The following PRC1 variants were observed in gnomAD, a reference collection of about 807,000 sequenced individuals.
PRC1 encodes the protein anaphase spindle elongation 1 homolog.
PRC1 carries 54 observed loss-of-function variants against 91.2 expected under a neutral mutation model. That is an observed-to-expected ratio of 0.59 (90% CI 0.48 to 0.74). The LOEUF is 0.74. Ranked by LOEUF, PRC1 falls within the 30% of genes least tolerant of loss-of-function variation. The pLI is 0.00. For synonymous variants in PRC1, 275 were observed against 263.6 expected (o/e 1.04, Z -0.42); for missense variants, 727 against 746.2 (o/e 0.97, Z 0.30).
Position 90,980,536 on chromosome 15 carries a change from T to G in PRC1, c.823-147A>C, listed in dbSNP as rs2039104964. On this transcript the variant is annotated intron_variant, in intron 6 of 14. Transcript: ENST00000394249. ...ACTTTTTTTTTTTTTTTTTTTTTTT[T>G]GAGACAGGGTCTCACTCTCTCGCCC... 5.3e-6 allele frequency: 4 copies of G among 752,140 alleles called. No homozygotes were observed. The East Asian group carries it at 1.5e-4, about 28-fold the overall frequency. The allele number at this position is 752,140 out of a possible 1,614,324, so 46.6% of individuals were successfully genotyped here. A position where few individuals can be genotyped will look rare whatever the true frequency, so the allele number is the denominator to read the frequency against.
At chr15:90,991,631 T>G (rs2039987560) in intron 1 of PRC1, among the ~76,000 whole-genome samples, 1 of 151,992 alleles carries the variant, frequency 6.6e-6, no homozygotes, top group South Asian at 2.1e-4. Flanking sequence ...TTTTTAAACT[T>G]AAATCTTGTA....
intron 1 of PRC1, among the ~76,000 whole-genome samples, chr15:90,986,966 C>CA (rs2039624721): frequency 6.6e-6 from 1 of 151,694 alleles, no homozygotes; most frequent in African/African-American, 2.4e-5. Context: ...ATTCCGTTGA[C>CA]AGAGAGTTCA....
intron 3 of PRC1, among the ~76,000 whole-genome samples, chr15:90,982,940 A>AT (rs1301786639): frequency 5.9e-5 from 9 of 152,024 alleles, no homozygotes; most frequent in African/African-American, 1.2e-4. Flanking sequence ...AAAAAGTGGC[A>AT]TTTTTTTATA....
At chr15:90,987,980 C>T (rs1172289640) in intron 1 of PRC1, 2 of 152,148 alleles carry the variant, frequency 1.3e-5, no homozygotes, top group African/African-American at 4.8e-5. Flanking sequence ...GATGGCCATA[C>T]CAATACCCAA....
rs551458045 is a variant in PRC1 at position 90,984,273 on chromosome 15, G to C, written c.145-133C>G. ...AGATGGAGTCTCGCTCTGTTGCCCA[G>C]GCTGGAGTGCAATGGCGTGCTTTCG... On this transcript the variant is annotated intron_variant, in intron 2 of 14. Coordinates refer to ENST00000394249, the MANE Select transcript of PRC1 (RefSeq NM_003981.4). The surrounding 1 kb of genome is among the most constrained non-coding windows in gnomAD (Gnocchi z 5.1). 18 of 1,261,570 alleles carry C rather than the reference G, an allele frequency of 1.4e-5. 1 individual carries two copies. In the South Asian group the frequency reaches 2.4e-4, roughly 17 times the overall value. 78.1% of individuals were successfully genotyped at this position (1,261,570 alleles called of 1,614,324 possible). A position where few individuals can be genotyped will look rare whatever the true frequency, so the allele number is the denominator to read the frequency against.
Position 90,969,723 on chromosome 15 carries a change from T to C in PRC1, c.1573-100A>G, listed in dbSNP as rs2037893707. 3 of 857,370 alleles carry C rather than the reference T, an allele frequency of 3.5e-6. No individual in the cohort carries two copies. In the African/African-American group the frequency reaches 5.1e-5, roughly 14 times the overall value. The allele number at this position is 857,370 out of a possible 1,614,324, so 53.1% of individuals were successfully genotyped here. On this transcript the variant is annotated intron_variant, in intron 12 of 14. Transcript: ENST00000394249. ...GTCAAAGGCTGAGACTATCTTTATA[T>C]TCATGTCTATAATCCTATACTTTTT...
chr15:90,971,509 T>C (rs768948644), intron 11 of PRC1, among the ~76,000 whole-genome samples: 1 of 151,856 alleles, frequency 6.6e-6, no homozygotes, highest in African/African-American at 2.4e-5. Flanking sequence ...TCCCAACTCC[T>C]GAGTTCAAGC....
At chr15:90,967,882 C>G in intron 14 of PRC1, 1 of 985,460 alleles carries the variant, frequency 1.0e-6, no homozygotes. Flanking sequence ...AAGTAGGCAA[C>G]AAGCTTTGGT....
At chr15:90,982,161 G>C in intron 3 of PRC1, 180 bp from the exon 4 acceptor site, 1 of 618,298 alleles carries the variant, frequency 1.6e-6, no homozygotes, top group Admixed American at 3.0e-5. Flanking sequence ...GTGAGGAAAA[G>C]TGAGTAAGTA....
intron 3 of PRC1, chr15:90,982,715 C>G (rs1291049111): frequency 2.6e-5 from 4 of 152,328 alleles, no homozygotes. Context: ...CCATTGCACT[C>G]CTGCCTGGAC....
chr15:90,976,724 A>G lies in PRC1; in HGVS notation c.1155T>C (p.Leu385=), dbSNP rs1228272548. The G allele has an allele frequency of 1.2e-6, 2 of 1,613,866 alleles. No individual in the cohort carries two copies. The highest frequency in any genetic ancestry group is 1.7e-6 in the Non-Finnish European group (2 of 1,179,788). Residue 385 remains leucine, a synonymous_variant, in exon 9 of 15, where the codon CTT becomes CTC. Coordinates refer to ENST00000394249, the MANE Select transcript of PRC1 (RefSeq NM_003981.4). ...TGGCTCGTTGTTTTTCTTCTTTTAGAAGATTTCCTCCTCGGTTTGTAAATC... is the reference window on the plus strand; with the variant it reads ...TGGCTCGTTGTTTTTCTTCTTTTAGGAGATTTCCTCCTCGGTTTGTAAATC... ...PNRFTNRGGN[L]LKEEKQRAKL...
At chr15:90,980,483 C>A (rs1867226) in intron 6 of PRC1, 94 bp from the exon 7 acceptor site, 7 of 1,169,822 alleles carry the variant, frequency 6.0e-6, no homozygotes, top group Admixed American at 5.0e-5. Context: ...AATTATAATG[C>A]AAAGCCACAA....
Position 90,970,385 on chromosome 15 carries a change from A to C in PRC1, c.1572+19T>G, listed in dbSNP as rs1330303425. 6.5e-7 allele frequency: 1 copy of C among 1,544,846 alleles called. No homozygotes were observed. Among genetic ancestry groups the C allele is most frequent in the African/African-American group, 1.4e-5 (1 of 73,306 alleles). On this transcript the variant is annotated intron_variant, in intron 12 of 14. Transcript: ENST00000394249. ...TAGGGACGCATGTGAGGATGTGCTT[A>C]GACACAGGGCATACTAACCTTGCTG...
At chr15:90,991,020 G>A (rs2039950066) in intron 1 of PRC1, among the ~76,000 whole-genome samples, 1 of 151,104 alleles carries the variant, frequency 6.6e-6, no homozygotes, top group African/African-American at 2.4e-5. Flanking sequence ...CTCGTGATCC[G>A]ACCGCCTCGG....
At chr15:90,968,502 T>C in intron 14 of PRC1, 2 of 986,380 alleles carry the variant, frequency 2.0e-6, no homozygotes, top group Non-Finnish European at 2.4e-6. Context: ...TGTAGTTAGG[T>C]GTTAGCAAAT....
At chr15:90,983,398 C>A in intron 3 of PRC1, among the ~76,000 whole-genome samples, 1 of 152,138 alleles carries the variant, frequency 6.6e-6, no homozygotes, top group East Asian at 1.9e-4. Flanking sequence ...TTTTCAGGAC[C>A]CCATCTGTTA....
chr15:90,976,072 C>T (rs765819516), intron 9 of PRC1, among the ~76,000 whole-genome samples: 9 of 151,954 alleles, frequency 5.9e-5, no homozygotes, highest in African/African-American at 9.7e-5. Context: ...CTGCCCAGTC[C>T]GTAGTGTTTT....
chr15:90,981,476 G>A, intron 5 of PRC1, 23 bp downstream of exon 5: 1 of 1,612,894 alleles, frequency 6.2e-7, no homozygotes, highest in Non-Finnish European at 8.5e-7. Flanking sequence ...GAGATCCTAG[G>A]GCATAATTTG....
chr15:90,980,271 T>TG lies in PRC1; in HGVS notation c.940dup (p.Gln314ProfsTer11). On this transcript the variant is annotated frameshift_variant, in exon 7 of 15. Coordinates refer to ENST00000394249, the MANE Select transcript of PRC1 (RefSeq NM_003981.4). LOFTEE classifies it high-confidence loss of function. ...ACAGAAAGGGGCAAAAGCTTGTCTCTGCTCCTGGCTATAAAAGCACTGGTC... is the reference window on the plus strand; with the variant it reads ...ACAGAAAGGGGCAAAAGCTTGTCTCTGGCTCCTGGCTATAAAAGCACTGGTC... 1 of 1,613,098 alleles carries TG rather than the reference T, an allele frequency of 6.2e-7. No homozygotes were observed. The highest frequency in any genetic ancestry group is 8.5e-7 in the Non-Finnish European group (1 of 1,179,782).
Sources: gnomAD v4.1 joint callset for allele counts (sites outside exome capture counted in the v4.1 genomes callset) on GRCh38, gnomAD v4.1.1 for gene constraint, Gnocchi (gnomAD v3.1) non-coding constraint, MANE v1.5 for transcripts, NCBI Gene and HGNC (gene_info 2026-07-23, HGNC 2026-07-21) for gene names.